Variants in SERPINB12 observed in about 807,000 individuals in gnomAD.
SERPINB12 encodes the protein serpin family B member 12, also known as serpin B12.
A neutral mutation model predicts 41.1 loss-of-function variants in SERPINB12; 57 were observed. That is an observed-to-expected ratio of 1.39 (90% CI 1.12 to 1.73). SERPINB12 has a LOEUF of 1.73. SERPINB12 is among the 40% of genes most tolerant of loss of function. The pLI, the probability that SERPINB12 is intolerant of heterozygous loss-of-function variation, is 0.00. For missense variants in SERPINB12, 536 were observed against 501.9 expected, an observed-to-expected ratio of 1.07 and a Z score of -0.65; for synonymous variants, 180 against 181.3, an observed-to-expected ratio of 0.99 and a Z score of 0.06.
the SERPINB12 span, among the ~76,000 whole-genome samples, chr18:63,537,270 C>T: frequency 1.3e-5 from 2 of 152,154 alleles, no homozygotes; most frequent in Non-Finnish European, 2.9e-5. Flanking sequence ...CACTCTGTGT[C>T]TCTCCTAATA....
chr18:63,553,057 C>G (rs142969046), intron 1 of SERPINB12, among the ~76,000 whole-genome samples: 39 of 152,230 alleles, frequency 2.6e-4, no homozygotes, highest in African/African-American at 9.2e-4. Context: ...CTGCACACAA[C>G]TGTAATGAAA....
chr18:63,540,148 CTGAT>C (rs1362803341), upstream of SERPINB12, among the ~76,000 whole-genome samples: 1 of 152,178 alleles, frequency 6.6e-6, no homozygotes, highest in Admixed American at 6.5e-5. Context: ...AGTCACTTGT[CTGAT>C]TGTGCAAATG....
At chr18:63,563,120 G>T (rs767416939) in intron 5 of SERPINB12, among the ~76,000 whole-genome samples, 1 of 152,196 alleles carries the variant, frequency 6.6e-6, no homozygotes, top group Non-Finnish European at 1.5e-5. Flanking sequence ...AAGGGATAAT[G>T]ATACCTCCTT....
chr18:63,524,483 T>C, the SERPINB12 span, among the ~76,000 whole-genome samples: 2 of 151,944 alleles, frequency 1.3e-5, no homozygotes, highest in Non-Finnish European at 2.9e-5. Context: ...AGAGATGGGG[T>C]TCCACCACGT....
At chr18:63,524,768 TC>T in the SERPINB12 span, among the ~76,000 whole-genome samples, 133 of 146,656 alleles carry the variant, frequency 9.1e-4, 4 homozygotes, top group South Asian at 4.3e-3. Flanking sequence ...TTTTTTTTTT[TC>T]GTGACAGTCT....
chr18:63,550,467 C>T (rs1017891606), intron 1 of SERPINB12, among the ~76,000 whole-genome samples: 1 of 152,116 alleles, frequency 6.6e-6, no homozygotes, highest in Admixed American at 6.6e-5. Context: ...AAATTAAATG[C>T]CATGTTTAGT....
At chr18:63,557,509 C>T (rs763618932) in intron 2 of SERPINB12, among the ~76,000 whole-genome samples, 4 of 152,104 alleles carry the variant, frequency 2.6e-5, no homozygotes. Flanking sequence ...GGCTGTTTCC[C>T]CTGAATATGG....
intron 5 of SERPINB12, 39 bp from the exon 6 acceptor site, chr18:63,563,939 C>A (rs1164120706): frequency 8.5e-6 from 13 of 1,531,598 alleles, no homozygotes; most frequent in Admixed American, 2.1e-5. Flanking sequence ...GCTTTTGATA[C>A]AATTCATACT....
chr18:63,544,216 A>C (rs1356475901), intron 1 of SERPINB12, among the ~76,000 whole-genome samples: 1 of 152,162 alleles, frequency 6.6e-6, no homozygotes, highest in Non-Finnish European at 1.5e-5. Flanking sequence ...TTCCAATAAA[A>C]CTTTATTTAC....
At chr18:63,523,618 T>C in the SERPINB12 span, among the ~76,000 whole-genome samples, 2 of 152,114 alleles carry the variant, frequency 1.3e-5, no homozygotes, top group East Asian at 1.9e-4. Context: ...ACACCTGAAA[T>C]TGCCTGGATG....
the SERPINB12 span, among the ~76,000 whole-genome samples, chr18:63,526,551 T>C: frequency 2.5e-3 from 376 of 152,360 alleles, 1 homozygote; most frequent in African/African-American, 8.6e-3. Context: ...AACTGTTTTA[T>C]ATTTTTATCC....
upstream of SERPINB12, among the ~76,000 whole-genome samples, chr18:63,538,510 A>T (rs759764987): frequency 3.9e-5 from 6 of 152,172 alleles, no homozygotes; most frequent in Non-Finnish European, 5.9e-5. Flanking sequence ...ATGTTGTAGC[A>T]TGTATTAATA....
At chr18:63,538,909 C>T (rs1003668101), upstream of SERPINB12, among the ~76,000 whole-genome samples, 1 of 152,122 alleles carries the variant, frequency 6.6e-6, no homozygotes, top group Non-Finnish European at 1.5e-5. Context: ...CGGTATCTCA[C>T]TGTAGTTTTA....
intron 1 of SERPINB12, among the ~76,000 whole-genome samples, chr18:63,547,864 A>G (rs1568124879): frequency 6.6e-6 from 1 of 152,188 alleles, no homozygotes; most frequent in Non-Finnish European, 1.5e-5. Flanking sequence ...GAAATGCTAA[A>G]TAGTCTTCTA....
the SERPINB12 span, among the ~76,000 whole-genome samples, chr18:63,521,512 AT>A: frequency 3.9e-5 from 6 of 152,176 alleles, no homozygotes; most frequent in East Asian, 1.2e-3. Context: ...CCTGGAGTCC[AT>A]TGTCAAGTTC....
chr18:63,541,516 T>C (rs1466623545), upstream of SERPINB12, among the ~76,000 whole-genome samples: 1 of 152,156 alleles, frequency 6.6e-6, no homozygotes, highest in Non-Finnish European at 1.5e-5. Context: ...CTAAATGCCC[T>C]CAAAATATCT....
chr18:63,535,299 A>G, the SERPINB12 span, among the ~76,000 whole-genome samples: 1 of 152,198 alleles, frequency 6.6e-6, no homozygotes, highest in Non-Finnish European at 1.5e-5. Flanking sequence ...GGAGAAATCT[A>G]CAAGACATCA....
chr18:63,528,392 C>CAATAAATAAATA, the SERPINB12 span, among the ~76,000 whole-genome samples: 7,901 of 144,884 alleles, frequency 0.055, 290 homozygotes, highest in Non-Finnish European at 0.077. Context: ...TCTCTGAGAG[C>CAATAAATAAATA]AATAAATAAA....
chr18:63,535,701 C>T, the SERPINB12 span, among the ~76,000 whole-genome samples: 1 of 152,176 alleles, frequency 6.6e-6, no homozygotes, highest in Admixed American at 6.5e-5. Context: ...GATTATGTTA[C>T]ATTTCCAGAT....
Sources: gnomAD v4.1 joint callset for allele counts (sites outside exome capture counted in the v4.1 genomes callset) on GRCh38, gnomAD v4.1.1 for gene constraint, MANE v1.5 for transcripts, NCBI Gene and HGNC (gene_info 2026-07-23, HGNC 2026-07-21) for gene names.